Variants in TRIM36 observed in about 807,000 individuals in gnomAD.
TRIM36 encodes the protein tripartite motif containing 36, also known as E3 ubiquitin-protein ligase TRIM36.
Under a neutral mutation model 72.4 loss-of-function variants are expected in TRIM36, and 42 were observed. The observed-to-expected ratio is 0.58, with a 90% CI of 0.45 to 0.75. The LOEUF (loss-of-function observed/expected upper bound fraction) is 0.75, where lower values mean the gene tolerates loss of function less well. Among genes scored for constraint, TRIM36 ranks in the 30% least tolerant of loss-of-function variants. The pLI is 0.00. For synonymous variants in TRIM36, 315 were observed against 282.8 expected, an observed-to-expected ratio of 1.11 and a Z score of -1.14; for missense variants, 913 against 857.1, an observed-to-expected ratio of 1.07 and a Z score of -0.81.
At chr5:115,160,439 A>G (rs574807793) in intron 2 of TRIM36, among the ~76,000 whole-genome samples, 3 of 152,202 alleles carry the variant, frequency 2.0e-5, no homozygotes, top group African/African-American at 2.4e-5. Flanking sequence ...AACTCACAGC[A>G]TATCTCAATT....
chr5:115,141,363 T>A lies in TRIM36; in HGVS notation c.747A>T (p.Ser249=). ...TACCAATAAGGTAATCAATATCCTT[T>A]GAAAGCTTTTCCTGTTGAAACATAT... ...SAYKTLKEKL[S]KDIDYLIGKE... is the part of the protein sequence containing the mutation. The change falls in exon 5 of 10, where the codon TCA becomes TCT. Residue 249 remains serine (S), a synonymous_variant. Transcript: ENST00000513154. 1 of 1,590,602 alleles carries A rather than the reference T, an allele frequency of 6.3e-7. No individual in the cohort carries two copies. Among genetic ancestry groups the A allele is most frequent in the Non-Finnish European group, 8.5e-7 (1 of 1,172,772 alleles).
Position 115,130,634 on chromosome 5 carries a change from A to C in TRIM36, c.1754T>G (p.Leu585Arg). ...VKVGVASSDK[L>R]QEWLRSPRDA... is the part of the protein sequence containing the mutation. Reference sequence around the variant, plus strand: ...CCGGGGAGAACGGAGCCATTCTTGTAGTTTATCGCTAGAAGCAACTCCCAC... The same window carrying C: ...CCGGGGAGAACGGAGCCATTCTTGTCGTTTATCGCTAGAAGCAACTCCCAC... The change falls in exon 9 of 10, where the codon CTA becomes CGA. Residue 585 changes from leucine to arginine, a missense_variant. By Grantham distance (102) the Leu-to-Arg change is moderately radical (BLOSUM62 -2). Transcript: ENST00000513154. 1 of 1,614,190 alleles carries C rather than the reference A, an allele frequency of 6.2e-7. No homozygotes were observed. Among genetic ancestry groups the C allele is most frequent in the Non-Finnish European group, 8.5e-7 (1 of 1,180,012 alleles).
At chr5:115,127,192 A>C (rs926077626) in intron 9 of TRIM36, among the ~76,000 whole-genome samples, 1 of 152,236 alleles carries the variant, frequency 6.6e-6, no homozygotes, top group East Asian at 1.9e-4. Flanking sequence ...AATCATGTAC[A>C]ATCATGTACC....
chr5:115,133,444 G>A (rs986301874), intron 8 of TRIM36, among the ~76,000 whole-genome samples: 3 of 151,986 alleles, frequency 2.0e-5, no homozygotes, highest in African/African-American at 7.2e-5. Flanking sequence ...AGACAAATCA[G>A]AATTAGGTTA....
intron 2 of TRIM36, among the ~76,000 whole-genome samples, chr5:115,157,621 G>A (rs534289818): frequency 6.6e-6 from 1 of 152,126 alleles, no homozygotes; most frequent in Admixed American, 6.5e-5. Context: ...CCACTAGCGG[G>A]TATCTACCCA....
chr5:115,155,167 C>T lies in TRIM36; in HGVS notation c.263-7773G>A, dbSNP rs180876475. On this transcript the variant is annotated intron_variant, in intron 2 of 9. Transcript: ENST00000513154. ...TCGTGCTGTTGCACTTCAGCCTGGG[C>T]AACAAGAGCAAAACACTGTTTAAAA... 7.9e-5 allele frequency among the ~76,000 whole-genome samples: 12 copies of T among 151,878 alleles called. No individual in the cohort carries two copies. The East Asian group carries it at 2.4e-3, about 30-fold the overall frequency.
chr5:115,170,397 A>T (rs1265655074), upstream of TRIM36, among the ~76,000 whole-genome samples: 2 of 152,160 alleles, frequency 1.3e-5, no homozygotes, highest in Non-Finnish European at 2.9e-5. Context: ...GGCTCGGCAC[A>T]GGACGGTGCG....
In TRIM36 at chr5:115,137,016, T is replaced by C. The variant is rs1026973055; in HGVS notation, c.1194A>G (p.Leu398=). The change falls in exon 7 of 10, where the codon TTA becomes TTG. Residue 398 remains leucine (L), a synonymous_variant. Transcript: ENST00000513154. ...AAGACTTACCACTAGAGAAAAAGGA[T>C]AATTCTCCAAGAAGTTCTGTTTGTT... ...TSKQTELLGE[L]SFFSSGIDVP... The C allele has an allele frequency of 8.1e-6, 13 of 1,598,894 alleles. No individual in the cohort carries two copies. The highest frequency in any genetic ancestry group is 1.8e-5 in the Admixed American group (1 of 56,440).
chr5:115,134,108 A>G lies in TRIM36; in HGVS notation c.1250T>C (p.Val417Ala), dbSNP rs1468218732. The G allele has an allele frequency of 2.5e-6, 4 of 1,611,320 alleles. No individual in the cohort carries two copies. The highest frequency in any genetic ancestry group is 3.4e-6 in the Non-Finnish European group (4 of 1,178,922). ...VPEINEEQSK[V>A]YNNALINWHH... Reference sequence around the variant, plus strand: ...CCAATTTATCAAGGCATTGTTATAAACTTTGCTCTGTTCCTCATTGATCTC... The same window carrying G: ...CCAATTTATCAAGGCATTGTTATAAGCTTTGCTCTGTTCCTCATTGATCTC... Residue 417 changes from valine (V) to alanine (A), a missense_variant, in exon 8 of 10, where the codon GTT becomes GCT. Transcript: ENST00000513154.
rs1754997263 is a variant in TRIM36, at chr5:115,169,791, G to A, written c.-157C>T. The A allele has an allele frequency of 7.5e-7, 1 of 1,325,868 alleles. No individual in the cohort carries two copies. The highest frequency in any genetic ancestry group is 1.5e-5 in the African/African-American group (1 of 66,220). 82.1% of individuals were successfully genotyped at this position (1,325,868 alleles called of 1,614,324 possible). ...GTACGTGGCCAGCGGACCGACGCGGGGAGAAGTAAGCCGGGGCAGGCAAAA... is the reference window on the plus strand; with the variant it reads ...GTACGTGGCCAGCGGACCGACGCGGAGAGAAGTAAGCCGGGGCAGGCAAAA... On this transcript the variant is annotated 5_prime_UTR_variant, in exon 1 of 10. Coordinates refer to ENST00000513154, the MANE Select transcript of TRIM36 (RefSeq NM_001300759.2).
chr5:115,139,485 A>C (rs1243309671), intron 5 of TRIM36, among the ~76,000 whole-genome samples: 1 of 152,250 alleles, frequency 6.6e-6, no homozygotes, highest in Non-Finnish European at 1.5e-5. Context: ...ATTGGCTTTC[A>C]GCCAACACCT....
intron 2 of TRIM36, among the ~76,000 whole-genome samples, chr5:115,160,138 T>C (rs1029161356): frequency 6.6e-6 from 1 of 152,182 alleles, no homozygotes; most frequent in African/African-American, 2.4e-5. Flanking sequence ...ATGGCTTTTA[T>C]TTGTACATAA....
At chr5:115,171,168 C>CCGT (rs1440013794), upstream of TRIM36, 1 of 1,614,084 alleles carries the variant, frequency 6.2e-7, no homozygotes, top group African/African-American at 1.3e-5. Context: ...GTGGCAAGTT[C>CCGT]CGTCGTCTTC....
intron 1 of TRIM36, among the ~76,000 whole-genome samples, chr5:115,164,912 G>A (rs1754680865): frequency 6.6e-6 from 1 of 152,202 alleles, no homozygotes; most frequent in African/African-American, 2.4e-5. Flanking sequence ...ACAGGCATTG[G>A]ACAAATGCTC....
chr5:115,171,074 G>A (rs1755094240), upstream of TRIM36: 2 of 1,613,868 alleles, frequency 1.2e-6, no homozygotes, highest in Non-Finnish European at 1.7e-6. Flanking sequence ...GGTAAGTAGG[G>A]ACTACAGAGC....
In TRIM36 at chr5:115,133,199, C is replaced by A. The variant is rs186461605; in HGVS notation, c.1498+661G>T. Among the ~76,000 whole-genome samples the A allele has an allele frequency of 4.6e-5, 7 of 152,250 alleles. No homozygotes were observed. The East Asian group carries it at 1.4e-3, about 29-fold the overall frequency. ...TGAGCACAATTTTGGTTCTAAATAT[C>A]CCTTGTTCATGGAGACATCATAGTG... On this transcript the variant is annotated intron_variant, in intron 8 of 9. Coordinates refer to ENST00000513154, the MANE Select transcript of TRIM36 (RefSeq NM_001300759.2).
chr5:115,133,675 A>G (rs1345638129), intron 8 of TRIM36, among the ~76,000 whole-genome samples, 185 bp downstream of exon 8: 2 of 152,172 alleles, frequency 1.3e-5, no homozygotes, highest in Non-Finnish European at 2.9e-5. Context: ...TCAGCCTACA[A>G]GGTAAAAATT....
chr5:115,148,332 T>C, intron 2 of TRIM36: 1 of 984,706 alleles, frequency 1.0e-6, no homozygotes, highest in Non-Finnish European at 1.2e-6. Context: ...ATGACAGTCC[T>C]TACCCATTGG....
intron 1 of TRIM36, among the ~76,000 whole-genome samples, chr5:115,167,215 C>T (rs1754829250): frequency 6.6e-6 from 1 of 152,198 alleles, no homozygotes. Flanking sequence ...TCCACTAAAA[C>T]ATTTTTCTCT....
Sources: gnomAD v4.1 joint callset for allele counts (sites outside exome capture counted in the v4.1 genomes callset) on GRCh38, gnomAD v4.1.1 for gene constraint, MANE v1.5 for transcripts, NCBI Gene and HGNC (gene_info 2026-07-23, HGNC 2026-07-21) for gene names.